Variants in POLK observed in about 807,000 individuals in gnomAD.
POLK encodes the protein polymerase (DNA directed) kappa.
Under a neutral mutation model 94.0 loss-of-function variants are expected in POLK, and 76 were observed. That is an observed-to-expected ratio of 0.81 (90% CI 0.67 to 0.98). The LOEUF (loss-of-function observed/expected upper bound fraction) is 0.98, where lower values mean the gene tolerates loss of function less well. POLK is among the 50% of genes least tolerant of loss of function. The pLI, the probability that POLK is intolerant of heterozygous loss-of-function variation, is 0.00. For synonymous variants in POLK, 349 were observed against 325.4 expected (o/e 1.07, Z -0.78); for missense variants, 954 against 1,010.1 (o/e 0.94, Z 0.75).
At chr5:75,598,053 A>T (rs1773186127) in exon 15 of POLK, 2 of 832,004 alleles carry the variant, frequency 2.4e-6, no homozygotes, top group East Asian at 3.0e-5. Flanking sequence ...TTTAATTGAA[A>T]CTAGTTATTT....
Position 75,597,741 on chromosome 5 carries a change from C to A in POLK, c.2486-6C>A. 6.8e-7 allele frequency: 1 copy of A among 1,464,348 alleles called. No homozygotes were observed. Among genetic ancestry groups the A allele is most frequent in the South Asian group, 1.4e-5 (1 of 69,100 alleles). 90.7% of individuals were successfully genotyped at this position (1,464,348 alleles called of 1,614,324 possible). A position where few individuals can be genotyped will look rare whatever the true frequency, so the allele number is the denominator to read the frequency against. Reference sequence around the variant, plus strand: ...ATGGAATTTCTTGACTTTCTTTCCTCTAAAGGTAGCTCAAGTGGAGTACAG... The same window carrying A: ...ATGGAATTTCTTGACTTTCTTTCCTATAAAGGTAGCTCAAGTGGAGTACAG... On this transcript the variant is annotated splice_region_variant and splice_polypyrimidine_tract_variant and intron_variant, in intron 13 of 14. Coordinates refer to ENST00000241436, the Ensembl canonical transcript of POLK.
chr5:75,584,697 T>C, intron 8 of POLK, 63 bp from the exon 9 acceptor site: 2 of 968,396 alleles, frequency 2.1e-6, no homozygotes, highest in Non-Finnish European at 3.0e-6. Context: ...GTAATGAGGT[T>C]GTAATCTCAA....
chr5:75,514,880 C>G (rs1768249248), intron 1 of POLK, among the ~76,000 whole-genome samples: 1 of 151,814 alleles, frequency 6.6e-6, no homozygotes, highest in Non-Finnish European at 1.5e-5. Flanking sequence ...AAAAAAAATT[C>G]CAAAAAACTA....
chr5:75,589,440 T>TACACACACACACAC (rs1772651919), intron 10 of POLK, among the ~76,000 whole-genome samples: 10 of 63,684 alleles, frequency 1.6e-4, no homozygotes, highest in African/African-American at 3.8e-4. Context: ...CACACACACG[T>TACACACACACACAC]GGAATATTTC....
At chr5:75,567,270 C>T (rs1404400184) in intron 3 of POLK, among the ~76,000 whole-genome samples, 1 of 152,088 alleles carries the variant, frequency 6.6e-6, no homozygotes. Flanking sequence ...TTCTTATTCT[C>T]ATTTGACTGT....
chr5:75,596,495 T>A, exon 13 of POLK: 1 of 1,613,974 alleles, frequency 6.2e-7, no homozygotes, highest in South Asian at 1.1e-5. Context: ...CCATTCCAAG[T>A]TTTAAAGAAG....
the POLK span, among the ~76,000 whole-genome samples, chr5:75,606,819 G>C: frequency 6.6e-6 from 1 of 152,124 alleles, no homozygotes; most frequent in Admixed American, 6.6e-5. Flanking sequence ...GCTCAGCCTT[G>C]GCACTGGTTG....
intron 1 of POLK, among the ~76,000 whole-genome samples, chr5:75,520,662 T>C (rs1768531288): frequency 6.6e-6 from 1 of 152,220 alleles, no homozygotes; most frequent in African/African-American, 2.4e-5. Context: ...GCTTTCCAAG[T>C]AGCTAGTATT....
At chr5:75,511,985 AGTT>A (rs1768047124) in intron 1 of POLK, 71 bp downstream of exon 1, 1 of 610,044 alleles carries the variant, frequency 1.6e-6, no homozygotes. Flanking sequence ...TTCGTTTGAC[AGTT>A]GCGTGACCAG....
intron 10 of POLK, among the ~76,000 whole-genome samples, chr5:75,588,887 C>T (rs568115428): frequency 2.0e-5 from 3 of 152,188 alleles, no homozygotes; most frequent in Non-Finnish European, 4.4e-5. Flanking sequence ...CCAGAGTAAT[C>T]TCTGTCCGTC....
intron 3 of POLK, among the ~76,000 whole-genome samples, chr5:75,560,140 T>C (rs1430156475): frequency 6.6e-6 from 1 of 152,202 alleles, no homozygotes; most frequent in Non-Finnish European, 1.5e-5. Context: ...GCTCTATGAC[T>C]TAGGGCAAAT....
chr5:75,541,497 C>T (rs926102890), intron 1 of POLK, among the ~76,000 whole-genome samples: 7 of 152,124 alleles, frequency 4.6e-5, no homozygotes, highest in Admixed American at 3.9e-4. Context: ...CCCTCTGTCC[C>T]ATTCTTCTTC....
exon 13 of POLK, chr5:75,596,980 T>C (rs772307321): frequency 2.4e-5 from 39 of 1,613,720 alleles, no homozygotes; most frequent in Non-Finnish European, 3.3e-5. Context: ...TAGACAAGAA[T>C]ACCGCCAGCC....
At chr5:75,568,297 G>T (rs1451061141) in intron 3 of POLK, among the ~76,000 whole-genome samples, 1 of 152,124 alleles carries the variant, frequency 6.6e-6, no homozygotes, top group South Asian at 2.1e-4. Flanking sequence ...TTATTTAATA[G>T]CTTTCTTATG....
chr5:75,533,461 C>A (rs1318152499), intron 1 of POLK, among the ~76,000 whole-genome samples: 3 of 152,116 alleles, frequency 2.0e-5, no homozygotes, highest in African/African-American at 7.2e-5. Flanking sequence ...TTTTGTACTG[C>A]TACCGTGCTG....
chr5:75,527,500 T>TACACAC (rs1485138400), intron 1 of POLK, among the ~76,000 whole-genome samples: 13 of 116,082 alleles, frequency 1.1e-4, no homozygotes, highest in African/African-American at 5.1e-4. Context: ...AAAATTTATA[T>TACACAC]ATACACACAC....
At chr5:75,572,978 A>G (rs1275147083) in intron 4 of POLK, among the ~76,000 whole-genome samples, 1 of 152,252 alleles carries the variant, frequency 6.6e-6, no homozygotes, top group Non-Finnish European at 1.5e-5. Context: ...ATCTAGAACT[A>G]GAAACACCAT....
rs5744690 is a variant in POLK at position 75,589,065 on chromosome 5, C to G, written c.1260-1279C>G. Among the ~76,000 whole-genome samples, 169 of 152,154 alleles carry G rather than the reference C, an allele frequency of 1.1e-3. No homozygotes were observed. In the South Asian group the frequency reaches 0.034, roughly 31 times the overall value. The stretch of plus-strand genomic sequence containing the variant: ...TCACAGATACACATGTACTTTGATG[C>G]CATAATTCTTTTACTAAGAATTAAT... On this transcript the variant is annotated intron_variant, in intron 10 of 14. Coordinates refer to ENST00000241436, the Ensembl canonical transcript of POLK.
At chr5:75,582,189 C>A in intron 7 of POLK, 3 of 934,428 alleles carry the variant, frequency 3.2e-6, no homozygotes, top group Non-Finnish European at 3.8e-6. Flanking sequence ...AAAGGAAAAA[C>A]AAATTTACAT....
Sources: allele counts gnomAD v4.1 joint callset (sites outside exome capture counted in the v4.1 genomes callset), GRCh38; gene constraint gnomAD v4.1.1; transcripts MANE v1.5; gene names NCBI Gene and HGNC (gene_info 2026-07-23, HGNC 2026-07-21).